CPD: variants seen among roughly 807,000 people sequenced by gnomAD.
CPD encodes the protein metallocarboxypeptidase D.
Under a neutral mutation model 138.3 loss-of-function variants are expected in CPD, and 69 were observed. The observed-to-expected ratio is 0.50, with a 90% confidence interval of 0.41 to 0.61. CPD has a LOEUF of 0.61. Among genes scored for constraint, CPD ranks in the 20% least tolerant of loss-of-function variants. The pLI is 0.00. For synonymous variants in CPD, 651 were observed against 642.1 expected, an observed-to-expected ratio of 1.01 and a Z score of -0.21; for missense variants, 1,432 against 1,733.3, an observed-to-expected ratio of 0.83 and a Z score of 3.09.
intron 8 of CPD, among the ~76,000 whole-genome samples, chr17:30,437,846 G>C (rs1319983443): frequency 6.6e-6 from 1 of 151,786 alleles, no homozygotes; most frequent in Non-Finnish European, 1.5e-5. Context: ...ATTTTATTTT[G>C]TTTTTGTTAG....
At chr17:30,414,357 C>T (rs778503599) in intron 2 of CPD, among the ~76,000 whole-genome samples, 9 of 152,022 alleles carry the variant, frequency 5.9e-5, no homozygotes, top group Admixed American at 2.6e-4. Flanking sequence ...GGGTGGATCA[C>T]GGGGTCAGGA....
At chr17:30,455,297 T>C (rs530935288) in intron 14 of CPD, 42 bp from the exon 15 acceptor site, 2 of 1,532,064 alleles carry the variant, frequency 1.3e-6, no homozygotes, top group African/African-American at 1.4e-5. Flanking sequence ...CATACTAAGA[T>C]TTAAAATTTG....
chr17:30,396,718 A>G (rs1911518756), intron 2 of CPD, among the ~76,000 whole-genome samples: 1 of 152,224 alleles, frequency 6.6e-6, no homozygotes, highest in African/African-American at 2.4e-5. Context: ...CACAATTTGC[A>G]GTATTACTAG....
chr17:30,406,427 T>C (rs1020673342), intron 2 of CPD, among the ~76,000 whole-genome samples: 1 of 152,182 alleles, frequency 6.6e-6, no homozygotes, highest in Non-Finnish European at 1.5e-5. Context: ...TATTTTAAAA[T>C]GATTTCTGTC....
At chr17:30,438,557 C>T (rs1447789045) in intron 8 of CPD, among the ~76,000 whole-genome samples, 1 of 152,124 alleles carries the variant, frequency 6.6e-6, no homozygotes, top group African/African-American at 2.4e-5. Context: ...CTTATTCCTG[C>T]TAGCAGTCAG....
intron 2 of CPD, among the ~76,000 whole-genome samples, chr17:30,387,231 C>T (rs766890916): frequency 6.6e-5 from 10 of 152,182 alleles, no homozygotes; most frequent in African/African-American, 2.4e-4. Flanking sequence ...GATTCTCCAG[C>T]CTCAGCCTCC....
At chr17:30,396,730 C>T (rs1004666682) in intron 2 of CPD, among the ~76,000 whole-genome samples, 6 of 152,216 alleles carry the variant, frequency 3.9e-5, no homozygotes, top group African/African-American at 1.4e-4. Flanking sequence ...TATTACTAGA[C>T]AGATTCCTAA....
intron 7 of CPD, 127 bp downstream of exon 7, chr17:30,427,685 A>G: frequency 1.3e-6 from 1 of 784,490 alleles, no homozygotes. Flanking sequence ...CTTATGGCAG[A>G]CAACAGTAAA....
chr17:30,407,533 T>C (rs999378334), intron 2 of CPD, among the ~76,000 whole-genome samples: 1 of 152,202 alleles, frequency 6.6e-6, no homozygotes, highest in African/African-American at 2.4e-5. Flanking sequence ...TGGTATCTCA[T>C]TGTGGTTTTG....
chr17:30,421,337 C>T (rs956084626), intron 3 of CPD, among the ~76,000 whole-genome samples: 1 of 152,068 alleles, frequency 6.6e-6, no homozygotes, highest in Non-Finnish European at 1.5e-5. Flanking sequence ...GAACCATAGA[C>T]ATCAGTTTAA....
At chr17:30,444,863 C>T (rs765241607) in intron 11 of CPD, among the ~76,000 whole-genome samples, 3 of 151,764 alleles carry the variant, frequency 2.0e-5, no homozygotes, top group African/African-American at 2.4e-5. Flanking sequence ...GCATTTTAGT[C>T]GTTGCCTTTG....
chr17:30,439,447 G>C (rs1462468717), intron 9 of CPD, among the ~76,000 whole-genome samples: 7 of 106,864 alleles, frequency 6.6e-5, no homozygotes, highest in South Asian at 3.1e-4. Flanking sequence ...TAGGGTACAT[G>C]TGCACATTGT....
intron 6 of CPD, among the ~76,000 whole-genome samples, chr17:30,425,030 T>G (rs1030861564): frequency 6.6e-6 from 1 of 152,178 alleles, no homozygotes; most frequent in Non-Finnish European, 1.5e-5. Flanking sequence ...GTTCTCATTC[T>G]TTGTCAGTGC....
intron 12 of CPD, among the ~76,000 whole-genome samples, chr17:30,448,215 A>G (rs1320536275): frequency 6.6e-6 from 1 of 152,182 alleles, no homozygotes; most frequent in East Asian, 1.9e-4. Context: ...AAATAAAACC[A>G]GGCTGGGCAC....
intron 14 of CPD, among the ~76,000 whole-genome samples, chr17:30,453,515 G>A (rs117595964): frequency 0.012 from 1,854 of 152,292 alleles, 26 homozygotes; most frequent in Non-Finnish European, 0.02. Context: ...GGTACAGGCT[G>A]TCTCCCAGCT....
intron 18 of CPD, 80 bp downstream of exon 18, chr17:30,461,391 C>T (rs988349075): frequency 9.0e-7 from 1 of 1,108,398 alleles, no homozygotes; most frequent in African/African-American, 1.6e-5. Context: ...TTGTCTTTTA[C>T]CAAAAATGTA....
intron 2 of CPD, among the ~76,000 whole-genome samples, chr17:30,409,547 A>G (rs1911902173): frequency 6.6e-6 from 1 of 152,218 alleles, no homozygotes; most frequent in South Asian, 2.1e-4. Flanking sequence ...TTATTGGTCT[A>G]TTAAGAGATT....
chr17:30,431,851 G>A lies in CPD; in HGVS notation c.2097G>A (p.Val699=), dbSNP rs762449810. 6.2e-7 allele frequency: 1 copy of A among 1,610,886 alleles called. No individual in the cohort carries two copies. Among genetic ancestry groups the A allele is most frequent in the East Asian group, 2.2e-5 (1 of 44,742 alleles). The part of the protein sequence containing the change: ...ATYSKSPDDA[V]FQQIALSYSK... ...ATAGTAAATCACCAGATGATGCTGT[G>A]TTCCAACAAATAGCACTTTCTTATT... Residue 699 remains valine (V), a synonymous_variant, in exon 8 of 21, where the codon GTG becomes GTA. Transcript: ENST00000225719.
At chr17:30,382,273 T>G (rs1336628189) in intron 1 of CPD, among the ~76,000 whole-genome samples, 1 of 152,170 alleles carries the variant, frequency 6.6e-6, no homozygotes, top group Non-Finnish European at 1.5e-5. Context: ...CTGGATAGCG[T>G]AATAGAGTTA....
Sources: allele counts gnomAD v4.1 joint callset (sites outside exome capture counted in the v4.1 genomes callset), GRCh38; gene constraint gnomAD v4.1.1; transcripts MANE v1.5; gene names NCBI Gene and HGNC (gene_info 2026-07-23, HGNC 2026-07-21).